RBFOX1: variants seen among roughly 807,000 people sequenced by gnomAD.
The protein encoded by RBFOX1 is RNA binding fox-1 homolog 1.
Under a neutral mutation model 57.7 loss-of-function variants are expected in RBFOX1, and 8 were observed. The ratio of observed to expected loss-of-function variants is 0.14; its 90% CI spans 0.08 to 0.25. RBFOX1 has a LOEUF of 0.25. RBFOX1 is among the 10% of genes least tolerant of loss of function. The probability of loss-of-function intolerance (pLI) is 1.00; values close to 1 mark genes in which losing one functional copy is unlikely to be tolerated. For synonymous variants in RBFOX1, 326 were observed against 222.4 expected, an observed-to-expected ratio of 1.47 and a Z score of -4.15; for missense variants, 611 against 548.5, an observed-to-expected ratio of 1.11 and a Z score of -1.14.
At chr16:6,615,132 A>G (rs2098123893) in intron 2 of RBFOX1, among the ~76,000 whole-genome samples, 1 of 152,232 alleles carries the variant, frequency 6.6e-6, no homozygotes, top group African/African-American at 2.4e-5. Context: ...TGTATAAAAT[A>G]CAGTTTGCAA....
At chr16:5,428,146 G>GTA in intron 1 of RBFOX1, among the ~76,000 whole-genome samples, 1 of 147,546 alleles carries the variant, frequency 6.8e-6, no homozygotes, top group South Asian at 2.2e-4. Flanking sequence ...GTGTGTGTGT[G>GTA]TATGTGTGTA....
intron 3 of RBFOX1, among the ~76,000 whole-genome samples, chr16:6,992,101 A>T (rs552562998): frequency 6.6e-6 from 1 of 152,246 alleles, no homozygotes; most frequent in African/African-American, 2.4e-5. Context: ...CTTAGGGAGA[A>T]CGGGTGTAGC....
intron 3 of RBFOX1, among the ~76,000 whole-genome samples, chr16:5,777,635 A>G (rs1406239519): frequency 2.0e-5 from 3 of 152,226 alleles, no homozygotes; most frequent in South Asian, 2.1e-4. Context: ...TATATTTAAA[A>G]GCGGAATAAT....
chr16:5,366,319 A>C (rs780751738), intron 1 of RBFOX1: 2 of 363,830 alleles, frequency 5.5e-6, no homozygotes, highest in South Asian at 4.6e-5. Flanking sequence ...GAAGATGATG[A>C]TGATGATGAT....
chr16:7,371,796 A>T (rs76666781), intron 4 of RBFOX1, among the ~76,000 whole-genome samples: 1,897 of 152,310 alleles, frequency 0.012, 41 homozygotes, highest in African/African-American at 0.044. Flanking sequence ...ATACATGTGC[A>T]TACAGATATA....
chr16:5,792,470 C>G (rs543605768), intron 3 of RBFOX1, among the ~76,000 whole-genome samples: 2 of 152,308 alleles, frequency 1.3e-5, no homozygotes, highest in African/African-American at 4.8e-5. Flanking sequence ...TAAACACTCA[C>G]TGAACGCAAA....
chr16:6,976,331 C>T lies in RBFOX1; in HGVS notation c.-15-75726C>T, dbSNP rs148184043. Among the ~76,000 whole-genome samples, 355 of 152,272 alleles carry T rather than the reference C, an allele frequency of 2.3e-3. 1 individual carries two copies. The highest frequency in any genetic ancestry group is 8.3e-3 in the African/African-American group (345 of 41,546). ...GCTTTAGAGGCCACACTCTAAATTT[C>T]TCCTCTATCCTTGTTCTAGCATTCA... On this transcript the variant is annotated intron_variant, in intron 3 of 15. Transcript: ENST00000550418.
intron 4 of RBFOX1, among the ~76,000 whole-genome samples, chr16:7,129,498 A>C (rs1182348811): frequency 2.0e-5 from 3 of 152,150 alleles, no homozygotes; most frequent in African/African-American, 7.2e-5. Flanking sequence ...CAATTGGGTA[A>C]ATTTCAAGGA....
chr16:5,540,172 C>G (rs963395278), intron 2 of RBFOX1, among the ~76,000 whole-genome samples: 3 of 152,150 alleles, frequency 2.0e-5, no homozygotes, highest in African/African-American at 4.8e-5. Flanking sequence ...GATCTGGGGT[C>G]TTAGACACCA....
chr16:5,421,255 C>T (rs920841182), intron 1 of RBFOX1, among the ~76,000 whole-genome samples: 2 of 152,104 alleles, frequency 1.3e-5, no homozygotes, highest in African/African-American at 4.8e-5. Flanking sequence ...TGATCCCCTG[C>T]CTCAGTCTCC....
intron 2 of RBFOX1, among the ~76,000 whole-genome samples, chr16:6,412,747 T>G (rs2152974107): frequency 6.6e-6 from 1 of 152,300 alleles, no homozygotes; most frequent in Admixed American, 6.5e-5. Context: ...AAGCACTTAC[T>G]TAGTTGTCTC....
chr16:6,148,511 G>T (rs548003531), intron 1 of RBFOX1, among the ~76,000 whole-genome samples: 1 of 152,084 alleles, frequency 6.6e-6, no homozygotes, highest in African/African-American at 2.4e-5. Flanking sequence ...TGAGTCTCAG[G>T]TTGAATCTCA....
At chr16:6,111,763 G>A (rs1180598223) in intron 1 of RBFOX1, among the ~76,000 whole-genome samples, 2 of 152,126 alleles carry the variant, frequency 1.3e-5, no homozygotes, top group Non-Finnish European at 2.9e-5. Context: ...AATTGTTTGG[G>A]TATAGGTAGT....
chr16:7,149,753 C>G (rs1344526265), intron 4 of RBFOX1, among the ~76,000 whole-genome samples: 2 of 152,042 alleles, frequency 1.3e-5, no homozygotes, highest in African/African-American at 4.8e-5. Flanking sequence ...CGCCTCTACC[C>G]CATTCTGACA....
intron 4 of RBFOX1, among the ~76,000 whole-genome samples, chr16:7,481,247 A>G (rs1343167925): frequency 1.3e-5 from 2 of 152,224 alleles, no homozygotes; most frequent in South Asian, 4.1e-4. Context: ...AGCAAGAAAC[A>G]TAGAGCCCCC....
intron 4 of RBFOX1, among the ~76,000 whole-genome samples, chr16:7,272,851 CTTCTTCCCTTCCG>C (rs1212962924): frequency 1.4e-5 from 2 of 142,704 alleles, no homozygotes; most frequent in East Asian, 2.1e-4. Context: ...CCTCCCTTCC[CTTCTTCCCTTCCG>C]TTCTTCCCTT....
chr16:7,319,490 TG>T (rs1282585631), intron 4 of RBFOX1, among the ~76,000 whole-genome samples: 1 of 152,334 alleles, frequency 6.6e-6, no homozygotes, highest in African/African-American at 2.4e-5. Context: ...TTTGTATGTC[TG>T]GGTCTGAATA....
chr16:6,057,784 C>A (rs544893188), intron 1 of RBFOX1, among the ~76,000 whole-genome samples: 2 of 150,888 alleles, frequency 1.3e-5, no homozygotes, highest in East Asian at 3.9e-4. Context: ...GCCAAGCCCC[C>A]ACCCCTGGCA....
intron 4 of RBFOX1, among the ~76,000 whole-genome samples, chr16:7,157,498 G>A (rs995057920): frequency 6.6e-6 from 1 of 152,130 alleles, no homozygotes. Flanking sequence ...TCTGGGATTC[G>A]TTGGGGGCCT....
Sources: allele counts gnomAD v4.1 joint callset (sites outside exome capture counted in the v4.1 genomes callset), GRCh38; gene constraint gnomAD v4.1.1; transcripts MANE v1.5; gene names NCBI Gene and HGNC (gene_info 2026-07-23, HGNC 2026-07-21).